CCDC7: variants seen among roughly 807,000 people sequenced by gnomAD.
CCDC7 encodes the protein coiled-coil domain containing 7.
CCDC7 carries 183 observed loss-of-function variants against 196.9 expected under a neutral mutation model. The observed-to-expected ratio is 0.93, with a 90% CI of 0.82 to 1.05. CCDC7 has a LOEUF of 1.05. Among genes scored for constraint, CCDC7 ranks in the 50% least tolerant of loss-of-function variants. The pLI is 0.00. For missense variants in CCDC7, 1,540 were observed against 1,482.2 expected (o/e 1.04, Z -0.64); for synonymous variants, 525 against 484.6 (o/e 1.08, Z -1.10).
upstream of CCDC7, among the ~76,000 whole-genome samples, chr10:32,450,634 T>C (rs2032793594): frequency 6.6e-6 from 1 of 151,968 alleles, no homozygotes; most frequent in Admixed American, 6.6e-5. Context: ...GAGAGAAAAA[T>C]AGAGGAATAA....
At chr10:32,668,212 T>C (rs1476894731) in intron 21 of CCDC7, among the ~76,000 whole-genome samples, 1 of 152,220 alleles carries the variant, frequency 6.6e-6, no homozygotes, top group African/African-American at 2.4e-5. Context: ...TTTTTGCACA[T>C]TGATTTTGTA....
At chr10:32,643,312 A>G (rs1021292524) in intron 20 of CCDC7, among the ~76,000 whole-genome samples, 1 of 152,150 alleles carries the variant, frequency 6.6e-6, no homozygotes, top group Non-Finnish European at 1.5e-5. Flanking sequence ...TCTTACATTG[A>G]CATACTATGG....
At chr10:32,668,596 G>T (rs1237127665) in intron 21 of CCDC7, among the ~76,000 whole-genome samples, 1 of 152,078 alleles carries the variant, frequency 6.6e-6, no homozygotes, top group African/African-American at 2.4e-5. Flanking sequence ...GTTGAATTTT[G>T]TCAAAGGCCT....
intron 13 of CCDC7, among the ~76,000 whole-genome samples, chr10:32,549,227 A>G (rs1354461907): frequency 2.6e-5 from 4 of 151,994 alleles, no homozygotes; most frequent in African/African-American, 9.7e-5. Context: ...AGAATTGTCT[A>G]TTCACGTTCT....
chr10:32,722,851 G>T (rs971133909), intron 25 of CCDC7, among the ~76,000 whole-genome samples: 1 of 152,028 alleles, frequency 6.6e-6, no homozygotes, highest in African/African-American at 2.4e-5. Context: ...AATCCAAAAG[G>T]CCCAAGAAAT....
At chr10:32,704,064 G>A (rs549369834) in intron 24 of CCDC7, among the ~76,000 whole-genome samples, 1 of 152,152 alleles carries the variant, frequency 6.6e-6, no homozygotes, top group Non-Finnish European at 1.5e-5. Context: ...GCGAGCAGCT[G>A]CGTTCCTTTG....
chr10:32,797,193 G>GTGTA (rs1233343892), intron 29 of CCDC7, among the ~76,000 whole-genome samples: 2 of 137,892 alleles, frequency 1.5e-5, no homozygotes, highest in Non-Finnish European at 1.6e-5. Flanking sequence ...ATATATATAC[G>GTGTA]TATATATATA....
At chr10:32,790,256 C>T (rs891158730) in intron 29 of CCDC7, among the ~76,000 whole-genome samples, 1 of 152,208 alleles carries the variant, frequency 6.6e-6, no homozygotes, top group African/African-American at 2.4e-5. Flanking sequence ...TGTGGTGGCT[C>T]AGCCCCTGTG....
At chr10:32,701,237 C>A (rs1002780950) in intron 24 of CCDC7, among the ~76,000 whole-genome samples, 11 of 152,100 alleles carry the variant, frequency 7.2e-5, no homozygotes, top group African/African-American at 2.4e-4. Flanking sequence ...CCCATCAATA[C>A]CTAATTTATT....
At chr10:32,820,823 G>A (rs1157650247) in intron 31 of CCDC7, among the ~76,000 whole-genome samples, 1 of 152,110 alleles carries the variant, frequency 6.6e-6, no homozygotes, top group Admixed American at 6.6e-5. Context: ...ATTCAAGATG[G>A]ATTAAAGACT....
At chr10:32,576,577 G>A (rs1276691792) in intron 16 of CCDC7, among the ~76,000 whole-genome samples, 2 of 147,596 alleles carry the variant, frequency 1.4e-5, no homozygotes, top group Non-Finnish European at 3.0e-5. Flanking sequence ...TTGAGATAGG[G>A]TATCACTTTG....
chr10:32,694,417 T>G (rs2077448662), intron 23 of CCDC7, among the ~76,000 whole-genome samples: 1 of 152,244 alleles, frequency 6.6e-6, no homozygotes, highest in African/African-American at 2.4e-5. Context: ...TCATTATGTG[T>G]CATTTTGCTT....
chr10:32,792,852 T>C (rs568047650), intron 29 of CCDC7, among the ~76,000 whole-genome samples: 5 of 151,674 alleles, frequency 3.3e-5, no homozygotes, highest in African/African-American at 1.2e-4. Context: ...TTACAAACAA[T>C]AAAGAGAAAA....
chr10:32,838,950 T>C (rs1295658796), intron 33 of CCDC7, among the ~76,000 whole-genome samples: 1 of 151,984 alleles, frequency 6.6e-6, no homozygotes, highest in Non-Finnish European at 1.5e-5. Flanking sequence ...AATTTGCCAC[T>C]ACCTAGCCAG....
At chr10:32,846,050 C>T (rs2093278217) in intron 36 of CCDC7, 91 bp downstream of exon 37, 1 of 918,962 alleles carries the variant, frequency 1.1e-6, no homozygotes, top group South Asian at 1.5e-5. Flanking sequence ...ACAACAGTAC[C>T]TGTATCATAG....
chr10:32,637,512 T>G (rs1049017412), intron 20 of CCDC7, among the ~76,000 whole-genome samples: 1 of 152,334 alleles, frequency 6.6e-6, no homozygotes, highest in Admixed American at 6.5e-5. Context: ...CTTGTTTTTG[T>G]CAGGTTTGTC....
intron 31 of CCDC7, among the ~76,000 whole-genome samples, chr10:32,819,025 A>T (rs1053727944): frequency 6.6e-6 from 1 of 152,220 alleles, no homozygotes; most frequent in African/African-American, 2.4e-5. Context: ...TGAATCCAGG[A>T]GCTGGTTTTT....
At chr10:32,699,194 GCCCTCCC>G (rs1346490491) in intron 24 of CCDC7, among the ~76,000 whole-genome samples, 1 of 100,892 alleles carries the variant, frequency 9.9e-6, no homozygotes, top group Non-Finnish European at 1.9e-5. Context: ...CTTAATGCTA[GCCCTCCC>G]CCCTCCCCCC....
intron 22 of CCDC7, 56 bp from the exon 44 acceptor site, chr10:32,882,637 A>G (rs1362101663): frequency 1.3e-5 from 2 of 152,200 alleles, no homozygotes; most frequent in Non-Finnish European, 2.9e-5. Context: ...GTATGTGTGT[A>G]TATTAGAAGT....
Sources: gnomAD v4.1 joint callset for allele counts (sites outside exome capture counted in the v4.1 genomes callset) on GRCh38, gnomAD v4.1.1 for gene constraint, MANE v1.5 for transcripts, NCBI Gene and HGNC (gene_info 2026-07-23, HGNC 2026-07-21) for gene names.